TRPM8: variants seen among roughly 807,000 people sequenced by gnomAD.
TRPM8 encodes transient receptor potential cation channel subfamily M member 8, also known as TRPM8 cationic channel.
TRPM8 carries 110 observed loss-of-function variants against 133.7 expected under a neutral mutation model. The observed-to-expected ratio is 0.82, with a 90% CI of 0.70 to 0.96. The LOEUF is 0.96. Ranked by LOEUF, TRPM8 falls within the 40% of genes least tolerant of loss-of-function variation. TRPM8 has a pLI of 0.00. For synonymous variants in TRPM8, 535 were observed against 532.3 expected (o/e 1.01, Z -0.07); for missense variants, 1,291 against 1,379.5 (o/e 0.94, Z 1.02).
intron 12 of TRPM8, among the ~76,000 whole-genome samples, chr2:233,962,797 A>T (rs1691472242): frequency 6.6e-6 from 1 of 152,252 alleles, no homozygotes; most frequent in Non-Finnish European, 1.5e-5. Flanking sequence ...TTCCCTTGAA[A>T]GGTACAGAAT....
intron 2 of TRPM8, among the ~76,000 whole-genome samples, chr2:233,928,416 G>T (rs1691613760): frequency 6.6e-6 from 1 of 152,116 alleles, no homozygotes; most frequent in South Asian, 2.1e-4. Flanking sequence ...AGTTCTGGGG[G>T]GTTCCTTTTT....
At chr2:233,955,791 C>G (rs902420044) in intron 11 of TRPM8, among the ~76,000 whole-genome samples, 1 of 152,166 alleles carries the variant, frequency 6.6e-6, no homozygotes, top group African/African-American at 2.4e-5. Flanking sequence ...TTAGGAACAA[C>G]AGGAAGTGAG....
intron 25 of TRPM8, among the ~76,000 whole-genome samples, chr2:234,014,873 G>C (rs1692921821): frequency 6.6e-6 from 1 of 151,988 alleles, no homozygotes; most frequent in South Asian, 2.1e-4. Flanking sequence ...CCACACCAGG[G>C]ATTAGCATTG....
In TRPM8 at chr2:233,964,702, C is replaced by T; in HGVS notation, c.1824C>T (p.Ile608=). The T allele has an allele frequency of 2.5e-6, 4 of 1,612,898 alleles. No homozygotes were observed. Among genetic ancestry groups the T allele is most frequent in the Non-Finnish European group, 3.4e-6 (4 of 1,179,246 alleles). Residue 608 remains isoleucine, a synonymous_variant, in exon 14 of 26, where the codon ATC becomes ATT. Coordinates refer to ENST00000324695, the MANE Select transcript of TRPM8 (RefSeq NM_024080.5). ...LKTLAKVKND[I]NAAGESEELA... ...CTCTGGCCAAAGTGAAGAACGACAT[C>T]AATGCTGCTGGGGAGTCCGAGGAGC...
intron 21 of TRPM8, among the ~76,000 whole-genome samples, chr2:233,988,140 A>T (rs1449895635): frequency 1.3e-5 from 2 of 152,038 alleles, no homozygotes; most frequent in Non-Finnish European, 2.9e-5. Context: ...CACCATGCTC[A>T]TCCCCTGCTC....
Position 233,966,734 on chromosome 2 carries a change from C to A in TRPM8, c.2004C>A (p.Phe668Leu). 6.3e-7 allele frequency: 1 copy of A among 1,592,894 alleles called. No individual in the cohort carries two copies. Among genetic ancestry groups the A allele is most frequent in the Non-Finnish European group, 8.6e-7 (1 of 1,166,310 alleles). The change falls in exon 15 of 26, where the codon TTC (phenylalanine) becomes TTA (leucine). Residue 668 changes from phenylalanine (F) to leucine (L), a missense_variant. This residue lies in a region of TRPM8 where 963 missense variants were observed against 968.9 expected (regional missense o/e 0.99). Coordinates refer to ENST00000324695, the MANE Select transcript of TRPM8 (RefSeq NM_024080.5). ...ELAVEATDQH[F>L]IAQPGVQNFL... Reference sequence around the variant, plus strand: ...CGGTGGAGGCCACAGACCAGCATTTCATCGCCCAGCCTGGGGTCCAGGTAA... The same window carrying A: ...CGGTGGAGGCCACAGACCAGCATTTAATCGCCCAGCCTGGGGTCCAGGTAA...
At chr2:233,926,480 A>G (rs1242478814) in intron 1 of TRPM8, 53 bp from the exon 2 acceptor site, 5 of 1,348,328 alleles carry the variant, frequency 3.7e-6, no homozygotes, top group Non-Finnish European at 4.3e-6. Context: ...GCTTTGAAGG[A>G]AGCCCTGTTA....
At position 233,921,418 on chromosome 2, in the gene TRPM8, G is replaced by T. The variant is rs35409049; in HGVS notation, c.-6+3986G>T. ...GAAGTTAGTTTATGGATGCCTTGAAGCTTGTAATTGACTATGTTCATCCTG... is the reference window on the plus strand; with the variant it reads ...GAAGTTAGTTTATGGATGCCTTGAATCTTGTAATTGACTATGTTCATCCTG... On this transcript the variant is annotated intron_variant, in intron 1 of 25. Coordinates refer to ENST00000324695, the MANE Select transcript of TRPM8 (RefSeq NM_024080.5). Among the ~76,000 whole-genome samples the T allele has an allele frequency of 8.8e-3, 1,339 of 152,200 alleles. 5 individuals are homozygous for T. The highest frequency in any genetic ancestry group is 0.014 in the Non-Finnish European group (985 of 68,020).
intron 22 of TRPM8, among the ~76,000 whole-genome samples, chr2:233,997,035 C>G (rs189207868): frequency 6.6e-6 from 1 of 152,292 alleles, no homozygotes; most frequent in Non-Finnish European, 1.5e-5. Flanking sequence ...GAGGCCTAGG[C>G]GGGCGGATTG....
intron 23 of TRPM8, 108 bp from the exon 24 acceptor site, chr2:234,007,962 G>A: frequency 1.8e-6 from 2 of 1,089,318 alleles, no homozygotes; most frequent in Non-Finnish European, 2.7e-6. Flanking sequence ...GAGTGAAAAT[G>A]ACTTGTATTC....
intron 1 of TRPM8, among the ~76,000 whole-genome samples, chr2:233,921,778 C>T (rs1038945246): frequency 2.8e-5 from 4 of 141,532 alleles, no homozygotes; most frequent in African/African-American, 1.1e-4. Context: ...TCAAGGGATT[C>T]TGGTGACTCA....
intron 25 of TRPM8, among the ~76,000 whole-genome samples, chr2:234,015,624 C>T (rs1407241211): frequency 3.9e-5 from 6 of 152,106 alleles, no homozygotes; most frequent in African/African-American, 1.4e-4. Flanking sequence ...TTTCTGGTCT[C>T]AGAGTTCTTT....
intron 21 of TRPM8, among the ~76,000 whole-genome samples, chr2:233,992,907 A>G (rs756067596): frequency 2.0e-5 from 3 of 152,242 alleles, no homozygotes; most frequent in Non-Finnish European, 4.4e-5. Context: ...TCTCCCCTTT[A>G]CAGAATTTGA....
At chr2:233,978,598 C>A (rs1691929015) in intron 17 of TRPM8, among the ~76,000 whole-genome samples, 1 of 152,204 alleles carries the variant, frequency 6.6e-6, no homozygotes, top group Admixed American at 6.5e-5. Flanking sequence ...CTCTTCAAGA[C>A]AAATGACATC....
At chr2:233,995,064 G>T (rs1692369871) in intron 21 of TRPM8, among the ~76,000 whole-genome samples, 1 of 152,200 alleles carries the variant, frequency 6.6e-6, no homozygotes, top group African/African-American at 2.4e-5. Context: ...GCTCCCCTCT[G>T]TGAGGTGGTA....
chr2:233,955,785 G>GAAGTGGACCTCCT (rs1478005123), intron 11 of TRPM8, among the ~76,000 whole-genome samples: 5 of 152,140 alleles, frequency 3.3e-5, no homozygotes, highest in African/African-American at 9.7e-5. Flanking sequence ...GGCCTGTTAG[G>GAAGTGGACCTCCT]AACAACAGGA....
chr2:233,923,082 G>A (rs940960467), intron 1 of TRPM8, among the ~76,000 whole-genome samples: 1 of 152,064 alleles, frequency 6.6e-6, no homozygotes, highest in Non-Finnish European at 1.5e-5. Context: ...TGTTAACCAG[G>A]ATGGTCTCGA....
chr2:233,955,176 C>G lies in TRPM8; in HGVS notation c.1288C>G (p.Leu430Val), dbSNP rs144120368. The G allele has an allele frequency of 1.5e-5, 25 of 1,614,088 alleles. No homozygotes were observed. Among genetic ancestry groups the G allele is most frequent in the Non-Finnish European group, 1.9e-5 (22 of 1,180,032 alleles). Residue 430 changes from leucine to valine, a missense_variant, in exon 11 of 26, where the codon CTG becomes GTG. Around this residue, in one of 2 missense-constraint regions of TRPM8, gnomAD observed 963 missense variants for 968.9 expected, o/e 0.99. Transcript: ENST00000324695. ...AGACAAGGATAACTGGAATGGGCAG[C>G]TGAAGCTTCTGCTGGAGTGGAACCA... The part of the protein sequence containing the change: ...EQDKDNWNGQ[L>V]KLLLEWNQLD...
intron 5 of TRPM8, among the ~76,000 whole-genome samples, chr2:233,941,545 C>T (rs907468483): frequency 1.3e-5 from 2 of 152,126 alleles, no homozygotes; most frequent in Non-Finnish European, 2.9e-5. Context: ...GGCTTTCTAA[C>T]GATTGGAGGA....
Sources: gnomAD v4.1 joint callset for allele counts (sites outside exome capture counted in the v4.1 genomes callset) on GRCh38, gnomAD v4.1.1 for gene constraint, gnomAD v4.1.1 regional missense constraint, MANE v1.5 for transcripts, NCBI Gene and HGNC (gene_info 2026-07-23, HGNC 2026-07-21) for gene names.